MAP3K4: variants seen among roughly 807,000 people sequenced by gnomAD.
MAP3K4 encodes MAP three kinase 1.
In MAP3K4, 67 loss-of-function variants were observed where a neutral mutation model predicts 185.6. That is an observed-to-expected ratio of 0.36 (90% confidence interval 0.30 to 0.44). The LOEUF is 0.44. Among genes scored for constraint, MAP3K4 ranks in the 20% least tolerant of loss-of-function variants. The pLI is 1.00. For synonymous variants in MAP3K4, 702 were observed against 710.4 expected (o/e 0.99, Z 0.19); for missense variants, 1,551 against 1,995.1 (o/e 0.78, Z 4.24).
intron 1 of MAP3K4, among the ~76,000 whole-genome samples, chr6:161,015,540 G>A (rs1304082746): frequency 6.6e-6 from 1 of 152,134 alleles, no homozygotes; most frequent in Non-Finnish European, 1.5e-5. Context: ...AAGAAAAGAG[G>A]TTTACTTAGA....
At chr6:161,010,942 C>T (rs1781816678) in intron 1 of MAP3K4, among the ~76,000 whole-genome samples, 1 of 152,068 alleles carries the variant, frequency 6.6e-6, no homozygotes, top group South Asian at 2.1e-4. Flanking sequence ...CCTTAGAGCA[C>T]CGTAAGGCAG....
chr6:161,042,322 A>G (rs1783505222), intron 2 of MAP3K4, among the ~76,000 whole-genome samples: 1 of 152,116 alleles, frequency 6.6e-6, no homozygotes, highest in Non-Finnish European at 1.5e-5. Context: ...TTTATATGAT[A>G]GTTTAAAAAA....
intron 2 of MAP3K4, among the ~76,000 whole-genome samples, chr6:161,045,187 G>A (rs1783670228): frequency 6.6e-6 from 1 of 151,960 alleles, no homozygotes; most frequent in African/African-American, 2.4e-5. Context: ...TATATTTTGT[G>A]TATATTTTTC....
At chr6:161,092,910 G>A (rs972046265) in intron 13 of MAP3K4, 68 bp from the exon 14 acceptor site, 28 of 909,708 alleles carry the variant, frequency 3.1e-5, no homozygotes, top group Middle Eastern at 2.1e-4. Flanking sequence ...TTTCAGTATT[G>A]TACAGTCTAA....
chr6:161,049,756 AG>A lies in MAP3K4; in HGVS notation c.1485del (p.Arg496GlyfsTer27). On this transcript the variant is annotated frameshift_variant, in exon 3 of 27. Coordinates refer to ENST00000392142, the MANE Select transcript of MAP3K4 (RefSeq NM_005922.4). LOFTEE classifies it high-confidence loss of function. The surrounding 1 kb of genome is among the most constrained non-coding windows in gnomAD (Gnocchi z 8.4). ...CGGGACTGCATATCCAAGAAGCTTGAGAGGCTCGAATCTGAGGATGATTCTC... is the reference window on the plus strand; with the variant it reads ...CGGGACTGCATATCCAAGAAGCTTGAAGGCTCGAATCTGAGGATGATTCTC... ...QSRDCISKKL[E>X]RLESEDDSLG... 1 of 1,614,152 alleles carries A rather than the reference AG, an allele frequency of 6.2e-7. No individual in the cohort carries two copies. The highest frequency in any genetic ancestry group is 8.5e-7 in the Non-Finnish European group (1 of 1,180,008).
rs1784747100 is a variant in MAP3K4, at chr6:161,067,123, T to G, written c.1708-3485T>G. The G allele has an allele frequency of 4.8e-6, 1 of 209,458 alleles. No homozygotes were observed. Among genetic ancestry groups the G allele is most frequent in the African/African-American group, 2.3e-5 (1 of 42,606 alleles). The allele number at this position is 209,458 out of a possible 1,614,324, so 13.0% of individuals were successfully genotyped here. On this transcript the variant is annotated intron_variant, in intron 3 of 26. Transcript: ENST00000392142. The surrounding 1 kb of genome is among the most constrained non-coding windows in gnomAD (Gnocchi z 6.3). ...TGCCAAGGTCAAGGATGTGTGCGCCTGTGACACAGCCTCAGGACGTCCTGA... is the reference window on the plus strand; with the variant it reads ...TGCCAAGGTCAAGGATGTGTGCGCCGGTGACACAGCCTCAGGACGTCCTGA...
chr6:161,040,378 C>T (rs1783396125), intron 2 of MAP3K4, among the ~76,000 whole-genome samples: 1 of 152,060 alleles, frequency 6.6e-6, no homozygotes, highest in Admixed American at 6.5e-5. Flanking sequence ...ACTTGAATCA[C>T]AGTATTTAAT....
At position 161,098,133 on chromosome 6, in the gene MAP3K4, A is replaced by G. The variant is rs1583229996; in HGVS notation, c.3525-145A>G. The G allele has an allele frequency of 1.8e-5, 18 of 980,128 alleles. No homozygotes were observed. In the East Asian group the frequency reaches 2.0e-4, roughly 11 times the overall value. The allele number at this position is 980,128 out of a possible 1,614,324, so 60.7% of individuals were successfully genotyped here. On this transcript the variant is annotated intron_variant, in intron 16 of 26. Transcript: ENST00000392142. This position sits in a 1 kb window ranked among gnomAD's most constrained non-coding sequence, Gnocchi z 4.4. ...GTTAGGTTTTTTCTTTTTTACACCTAGACTCAAATCTCAAAGAACAATTTG... is the reference window on the plus strand; with the variant it reads ...GTTAGGTTTTTTCTTTTTTACACCTGGACTCAAATCTCAAAGAACAATTTG...
chr6:161,088,091 G>A lies in MAP3K4; in HGVS notation c.2823+137G>A, dbSNP rs1274219465. On this transcript the variant is annotated intron_variant, in intron 10 of 26. Transcript: ENST00000392142. This position sits in a 1 kb window ranked among gnomAD's most constrained non-coding sequence, Gnocchi z 4.5. ...ATACTTCCCAAAAATATGCCTCAATGTGTTAATAGGTCATTTTGCAGCATA... is the reference window on the plus strand; with the variant it reads ...ATACTTCCCAAAAATATGCCTCAATATGTTAATAGGTCATTTTGCAGCATA... The A allele has an allele frequency of 9.5e-6, 7 of 739,902 alleles. No homozygotes were observed. Among genetic ancestry groups the A allele is most frequent in the African/African-American group, 1.8e-5 (1 of 55,984 alleles). 45.8% of individuals were successfully genotyped at this position (739,902 alleles called of 1,614,324 possible).
In MAP3K4 at chr6:161,061,784, T is replaced by G. The variant is rs1784495933; in HGVS notation, c.1708-8824T>G. On this transcript the variant is annotated intron_variant, in intron 3 of 26. Transcript: ENST00000392142. The surrounding 1 kb of genome is among the most constrained non-coding windows in gnomAD (Gnocchi z 4.2). ...GGTTCATCCTTGCTGTGGTATGTAT[T>G]GGCGCTTCATTCCTTTTTATGACTG... is the stretch of plus-strand genomic sequence containing the variant. 6.6e-6 allele frequency among the ~76,000 whole-genome samples: 1 copy of G among 152,256 alleles called. No homozygotes were observed. The highest frequency in any genetic ancestry group is 1.5e-5 in the Non-Finnish European group (1 of 68,036).
At chr6:161,013,110 T>A (rs1369801797) in intron 1 of MAP3K4, among the ~76,000 whole-genome samples, 1 of 152,220 alleles carries the variant, frequency 6.6e-6, no homozygotes, top group Non-Finnish European at 1.5e-5. Flanking sequence ...CTGGAAAGAT[T>A]GTACAAATGT....
chr6:160,993,443 A>G (rs1780834960), intron 1 of MAP3K4, among the ~76,000 whole-genome samples: 1 of 152,188 alleles, frequency 6.6e-6, no homozygotes, highest in Non-Finnish European at 1.5e-5. Context: ...TAATCTTTTC[A>G]ACAACTCTAT....
At position 161,100,173 on chromosome 6, in the gene MAP3K4, C is replaced by T. The variant is rs987732869; in HGVS notation, c.3675-1719C>T. Among the ~76,000 whole-genome samples, 3 of 152,172 alleles carry T rather than the reference C, an allele frequency of 2.0e-5. No homozygotes were observed. In the East Asian group the frequency reaches 5.8e-4, roughly 29 times the overall value. Reference sequence around the variant, plus strand: ...TAAGCCTCAGTGCCTTCACAGTGAGCCTGGTTCATGGGCCCGTGAGTCACT... The same window carrying T: ...TAAGCCTCAGTGCCTTCACAGTGAGTCTGGTTCATGGGCCCGTGAGTCACT... On this transcript the variant is annotated intron_variant, in intron 17 of 26. Coordinates refer to ENST00000392142, the MANE Select transcript of MAP3K4 (RefSeq NM_005922.4). The surrounding 1 kb of genome is among the most constrained non-coding windows in gnomAD (Gnocchi z 5.8).
At position 161,080,467 on chromosome 6, in the gene MAP3K4, G is replaced by A. The variant is rs887339347; in HGVS notation, c.2098-414G>A. Among the ~76,000 whole-genome samples the A allele has an allele frequency of 2.6e-5, 4 of 152,122 alleles. No individual in the cohort carries two copies. Among genetic ancestry groups the A allele is most frequent in the African/African-American group, 9.7e-5 (4 of 41,422 alleles). ...GGGTGGTGCGAAGAAGGGTGTTGACGTCCTCCTCTCTGCACATAAGGCACC... is the reference window on the plus strand; with the variant it reads ...GGGTGGTGCGAAGAAGGGTGTTGACATCCTCCTCTCTGCACATAAGGCACC... On this transcript the variant is annotated intron_variant, in intron 5 of 26. Transcript: ENST00000392142. The surrounding 1 kb of genome is among the most constrained non-coding windows in gnomAD (Gnocchi z 4.8).
chr6:161,008,384 A>G lies in MAP3K4; in HGVS notation c.152+16301A>G, dbSNP rs9458084. On this transcript the variant is annotated intron_variant, in intron 1 of 26. Transcript: ENST00000392142. This position sits in a 1 kb window ranked among gnomAD's most constrained non-coding sequence, Gnocchi z 4.1. Reference sequence around the variant, plus strand: ...GTAAAATCCTGGAAATATAATTACTATACCAAAGTGTGTGTGTGTGTAAAT... The same window carrying G: ...GTAAAATCCTGGAAATATAATTACTGTACCAAAGTGTGTGTGTGTGTAAAT... Among the ~76,000 whole-genome samples, 4,280 of 152,284 alleles carry G rather than the reference A, an allele frequency of 0.028. 137 individuals are homozygous for G. The highest frequency in any genetic ancestry group is 0.076 in the African/African-American group (3,155 of 41,546).
chr6:161,026,961 A>G (rs1782703443), intron 1 of MAP3K4, among the ~76,000 whole-genome samples: 1 of 151,992 alleles, frequency 6.6e-6, no homozygotes. Flanking sequence ...GTCTCTTTAT[A>G]TATATTTGTT....
Position 161,103,444 on chromosome 6 carries a change from G to A in MAP3K4, c.3856+665G>A, listed in dbSNP as rs1396023828. ...TAGAGATGTCTGGAAGGATTTTGTG[G>A]AGGGAGGAGACTGGGCTGGCCCTTT... On this transcript the variant is annotated intron_variant, in intron 19 of 26. Coordinates refer to ENST00000392142, the MANE Select transcript of MAP3K4 (RefSeq NM_005922.4). The surrounding 1 kb of genome is among the most constrained non-coding windows in gnomAD (Gnocchi z 4.6). 6.6e-6 allele frequency among the ~76,000 whole-genome samples: 1 copy of A among 152,238 alleles called. No homozygotes were observed. Among genetic ancestry groups the A allele is most frequent in the African/African-American group, 2.4e-5 (1 of 41,464 alleles).
In MAP3K4 at chr6:161,112,679, C is replaced by T; in HGVS notation, c.4531C>T (p.Pro1511Ser). Residue 1511 changes from proline to serine, a missense_variant, in exon 25 of 27, where the codon CCT (proline) becomes TCT (serine). This residue lies in a region of MAP3K4 where 159 missense variants were observed against 300.5 expected (regional missense o/e 0.53). Coordinates refer to ENST00000392142, the MANE Select transcript of MAP3K4 (RefSeq NM_005922.4). The surrounding 1 kb of genome is among the most constrained non-coding windows in gnomAD (Gnocchi z 5.1). ...TGTGACTTTTAAAGCATACATGGCA[C>T]CTGAAGTCATCACTCGTGCCAAAGG... ...STLGTAAYMAPEVITRAKGEG... is the reference protein window; with the variant it reads ...STLGTAAYMASEVITRAKGEG... The T allele has an allele frequency of 6.3e-7, 1 of 1,589,314 alleles. No homozygotes were observed. Among genetic ancestry groups the T allele is most frequent in the Non-Finnish European group, 8.5e-7 (1 of 1,169,838 alleles).
At chr6:161,038,352 T>G (rs1183377980) in intron 2 of MAP3K4, among the ~76,000 whole-genome samples, 1 of 152,198 alleles carries the variant, frequency 6.6e-6, no homozygotes, top group East Asian at 1.9e-4. Context: ...AAGACTAGTA[T>G]TTCAGACTAG....
Sources: gnomAD v4.1 joint callset for allele counts (sites outside exome capture counted in the v4.1 genomes callset) on GRCh38, gnomAD v4.1.1 for gene constraint, gnomAD v4.1.1 regional missense constraint, Gnocchi (gnomAD v3.1) non-coding constraint, MANE v1.5 for transcripts, NCBI Gene and HGNC (gene_info 2026-07-23, HGNC 2026-07-21) for gene names.